The following KCTD16 variants were observed in gnomAD, a reference collection of about 807,000 sequenced individuals.
KCTD16 encodes BTB/POZ domain-containing protein KCTD16.
Under a neutral mutation model 33.2 loss-of-function variants are expected in KCTD16, and 13 were observed. The ratio of observed to expected loss-of-function variants is 0.39; its 90% CI spans 0.25 to 0.62. The LOEUF is 0.62. KCTD16 is among the 20% of genes least tolerant of loss of function. The pLI, the probability that KCTD16 is intolerant of heterozygous loss-of-function variation, is 0.50. For missense variants in KCTD16, 441 were observed against 525.1 expected (o/e 0.84, Z 1.57); for synonymous variants, 197 against 195.3 (o/e 1.01, Z -0.07).
intron 3 of KCTD16, among the ~76,000 whole-genome samples, chr5:144,221,682 T>C (rs1281839902): frequency 6.6e-6 from 1 of 152,172 alleles, no homozygotes; most frequent in Non-Finnish European, 1.5e-5. Context: ...GGCATTTGGG[T>C]TGGTTTGAAG....
At chr5:144,397,099 C>G (rs190498747) in intron 3 of KCTD16, among the ~76,000 whole-genome samples, 1,540 of 136,066 alleles carry the variant, frequency 0.011, 29 homozygotes, top group African/African-American at 0.04. Flanking sequence ...ACAGGCCCCA[C>G]TGTGTGATGT....
intron 3 of KCTD16, among the ~76,000 whole-genome samples, chr5:144,389,010 G>A (rs1752393034): frequency 6.6e-6 from 1 of 152,148 alleles, no homozygotes; most frequent in South Asian, 2.1e-4. Flanking sequence ...TGGTCATAAA[G>A]GACTTCTTTG....
At chr5:144,394,072 G>A (rs372609310) in intron 3 of KCTD16, among the ~76,000 whole-genome samples, 19 of 149,370 alleles carry the variant, frequency 1.3e-4, no homozygotes, top group East Asian at 9.8e-4. Flanking sequence ...TCCCCCTGTC[G>A]TGCAGATGTG....
intron 3 of KCTD16, among the ~76,000 whole-genome samples, chr5:144,415,008 T>C (rs1298835039): frequency 6.6e-6 from 1 of 152,158 alleles, no homozygotes; most frequent in Non-Finnish European, 1.5e-5. Flanking sequence ...ACAGAACACC[T>C]GAGACTGAGT....
At chr5:144,217,862 T>C (rs1004154694) in intron 3 of KCTD16, among the ~76,000 whole-genome samples, 31 of 151,474 alleles carry the variant, frequency 2.0e-4, no homozygotes, top group Non-Finnish European at 3.4e-4. Flanking sequence ...AAAAAAAAAG[T>C]AATGAAGTGT....
At chr5:144,364,698 A>G (rs528848203) in intron 3 of KCTD16, among the ~76,000 whole-genome samples, 9 of 152,330 alleles carry the variant, frequency 5.9e-5, no homozygotes, top group Non-Finnish European at 1.0e-4. Context: ...CTTTGAGTAA[A>G]AGTAGTAACC....
At chr5:144,468,121 C>T (rs1211460319) in intron 3 of KCTD16, among the ~76,000 whole-genome samples, 1 of 152,192 alleles carries the variant, frequency 6.6e-6, no homozygotes. Flanking sequence ...AACATCAGCA[C>T]CAGCAGGCCA....
At chr5:144,470,077 T>G (rs1754435888) in intron 3 of KCTD16, among the ~76,000 whole-genome samples, 1 of 152,072 alleles carries the variant, frequency 6.6e-6, no homozygotes, top group Non-Finnish European at 1.5e-5. Flanking sequence ...TTCCAGCCAG[T>G]ATTGAAACTT....
At chr5:144,212,922 C>T (rs1014904759) in intron 3 of KCTD16, among the ~76,000 whole-genome samples, 1 of 152,140 alleles carries the variant, frequency 6.6e-6, no homozygotes. Flanking sequence ...CATATTCCTA[C>T]TTACTTTCCC....
chr5:144,431,025 G>A (rs144947501), intron 3 of KCTD16, among the ~76,000 whole-genome samples: 27 of 152,138 alleles, frequency 1.8e-4, no homozygotes, highest in African/African-American at 4.8e-4. Context: ...AAGACCAAAC[G>A]TATAGCCCCA....
intron 3 of KCTD16, among the ~76,000 whole-genome samples, chr5:144,279,164 C>T (rs910395294): frequency 2.6e-5 from 4 of 152,230 alleles, no homozygotes; most frequent in East Asian, 1.9e-4. Flanking sequence ...ATGTTGAATT[C>T]GAAGAGCTTT....
intron 3 of KCTD16, among the ~76,000 whole-genome samples, chr5:144,250,222 C>T (rs982304553): frequency 6.6e-6 from 1 of 152,152 alleles, no homozygotes; most frequent in Non-Finnish European, 1.5e-5. Context: ...CTACAGTACT[C>T]ATTGCAACGT....
In KCTD16 at chr5:144,207,049, A is replaced by G. The variant is rs2126789791; in HGVS notation, c.335A>G (p.Tyr112Cys). Residue 112 changes from tyrosine to cysteine, a missense_variant, in exon 3 of 4, where the codon TAC (tyrosine) becomes TGC (cysteine). Tyr to Cys is a radical substitution (Grantham distance 194, BLOSUM62 -2). Transcript: ENST00000512467. Reference sequence around the variant, plus strand: ...GGAAGACTGAAAAGGGAAGCTGAATACTTCCAGCTCCCAGACTTGGTCAAA... The same window carrying G: ...GGAAGACTGAAAAGGGAAGCTGAATGCTTCCAGCTCCCAGACTTGGTCAAA... Reference protein sequence around the residue: ...EKGRLKREAEYFQLPDLVKLL... With the variant: ...EKGRLKREAECFQLPDLVKLL... 2.5e-6 allele frequency: 4 copies of G among 1,614,094 alleles called. No homozygotes were observed. The highest frequency in any genetic ancestry group is 1.7e-4 in the Middle Eastern group (1 of 6,060).
intron 3 of KCTD16, among the ~76,000 whole-genome samples, chr5:144,435,831 G>GAGTGTGTGTGTA (rs1561607017): frequency 2.0e-5 from 3 of 149,802 alleles, no homozygotes; most frequent in African/African-American, 7.6e-5. Flanking sequence ...TCCTGTGTGT[G>GAGTGTGTGTGTA]TGTGTGTGTG....
chr5:144,212,481 A>G (rs576144805), intron 3 of KCTD16, among the ~76,000 whole-genome samples: 1 of 152,288 alleles, frequency 6.6e-6, no homozygotes, highest in East Asian at 1.9e-4. Flanking sequence ...ATTAAAATAT[A>G]TATGATTGGA....
At chr5:144,278,643 G>A (rs551381338) in intron 3 of KCTD16, among the ~76,000 whole-genome samples, 5 of 151,348 alleles carry the variant, frequency 3.3e-5, no homozygotes, top group East Asian at 1.9e-4. Flanking sequence ...GACTACAGGC[G>A]CCCGCCACCG....
At chr5:144,226,865 G>T (rs936918596) in intron 3 of KCTD16, among the ~76,000 whole-genome samples, 1 of 152,170 alleles carries the variant, frequency 6.6e-6, no homozygotes, top group Non-Finnish European at 1.5e-5. Flanking sequence ...GAGACACTGC[G>T]CCTGGCCAAA....
At chr5:144,337,979 C>A (rs1389072004) in intron 3 of KCTD16, among the ~76,000 whole-genome samples, 2 of 152,078 alleles carry the variant, frequency 1.3e-5, no homozygotes, top group African/African-American at 2.4e-5. Flanking sequence ...GTGCTTAAAA[C>A]CATGCTGGCC....
At chr5:144,247,803 G>A (rs2126827655) in intron 3 of KCTD16, among the ~76,000 whole-genome samples, 1 of 152,216 alleles carries the variant, frequency 6.6e-6, no homozygotes, top group Non-Finnish European at 1.5e-5. Context: ...TTCCCTCTAA[G>A]TCATTGTTTT....
Sources: gnomAD v4.1 joint callset for allele counts (sites outside exome capture counted in the v4.1 genomes callset) on GRCh38, gnomAD v4.1.1 for gene constraint, MANE v1.5 for transcripts, NCBI Gene and HGNC (gene_info 2026-07-23, HGNC 2026-07-21) for gene names.